Variants in ABCC4 observed in about 807,000 individuals in gnomAD.
ABCC4 encodes the protein ATP-binding cassette sub-family C member 4.
A neutral mutation model predicts 168.5 loss-of-function variants in ABCC4; 102 were observed. That is an observed-to-expected ratio of 0.61 (90% CI 0.52 to 0.71). The LOEUF is 0.71. ABCC4 is among the 30% of genes least tolerant of loss of function. The pLI, the probability that ABCC4 is intolerant of heterozygous loss-of-function variation, is 0.00. For missense variants in ABCC4, 1,402 were observed against 1,605.8 expected, an observed-to-expected ratio of 0.87 and a Z score of 2.17; for synonymous variants, 617 against 590.7, an observed-to-expected ratio of 1.04 and a Z score of -0.65.
In ABCC4 at chr13:95,061,594, T is replaced by TTGTGTGTG. The variant is rs57517042; in HGVS notation, c.3366+1102_3366+1109dup. Among the ~76,000 whole-genome samples, 241 of 133,928 alleles carry TTGTGTGTG rather than the reference T, an allele frequency of 1.8e-3. 1 individual carries two copies. The highest frequency in any genetic ancestry group is 2.6e-3 in the Non-Finnish European group (167 of 64,016). 87.9% of individuals were successfully genotyped at this position (133,928 alleles called of 152,430 possible). ...TGTTTCTCTTCTCCAGAATATGTGT[T>TTGTGTGTG]TGTGTGTGTGTGTGTGTGTGTGTGT... On this transcript the variant is annotated intron_variant, in intron 26 of 30. Transcript: ENST00000645237.
chr13:95,237,346 A>C (rs368924977), intron 3 of ABCC4, among the ~76,000 whole-genome samples: 149 of 152,316 alleles, frequency 9.8e-4, no homozygotes, highest in Non-Finnish European at 1.5e-3. Flanking sequence ...GAAAATACTC[A>C]TTATCAAAAT....
At chr13:95,134,067 G>A (rs1198528453) in intron 19 of ABCC4, among the ~76,000 whole-genome samples, 1 of 152,054 alleles carries the variant, frequency 6.6e-6, no homozygotes, top group Non-Finnish European at 1.5e-5. Context: ...ATTTCAAGAG[G>A]AGCCCATCAG....
At chr13:95,195,631 T>C (rs2038392746) in intron 8 of ABCC4, among the ~76,000 whole-genome samples, 1 of 152,264 alleles carries the variant, frequency 6.6e-6, no homozygotes, top group East Asian at 1.9e-4. Flanking sequence ...TCACCTATTA[T>C]TATTGTTATT....
intron 3 of ABCC4, 71 bp downstream of exon 3, chr13:95,246,904 C>A: frequency 1.8e-5 from 27 of 1,534,384 alleles, no homozygotes; most frequent in Non-Finnish European, 2.4e-5. Context: ...TCCATTACAG[C>A]ACCAGTCAAT....
chr13:95,115,867 AAAAATAGG>A, intron 20 of ABCC4, 47 bp downstream of exon 20: 1 of 1,511,894 alleles, frequency 6.6e-7, no homozygotes, highest in South Asian at 1.2e-5. Flanking sequence ...AAGGGCTTGA[AAAAATAGG>A]AACTTCCGTT....
intron 1 of ABCC4, among the ~76,000 whole-genome samples, chr13:95,285,812 T>G (rs1226639129): frequency 1.3e-5 from 2 of 152,102 alleles, no homozygotes; most frequent in African/African-American, 4.8e-5. Context: ...GAGTATTAAA[T>G]GCCAAAGAAG....
At chr13:95,161,841 T>C (rs951108194) in intron 18 of ABCC4, 1 of 152,196 alleles carries the variant, frequency 6.6e-6, no homozygotes. Context: ...GGAAAACCTC[T>C]TGAATAATTG....
At chr13:95,111,735 CAA>C (rs1422311800) in intron 20 of ABCC4, among the ~76,000 whole-genome samples, 1 of 152,168 alleles carries the variant, frequency 6.6e-6, no homozygotes. Context: ...GTCCAAAAAT[CAA>C]AGTTAGGTTA....
At chr13:95,061,594 T>TG (rs2033296201) in intron 26 of ABCC4, among the ~76,000 whole-genome samples, 2 of 133,942 alleles carry the variant, frequency 1.5e-5, no homozygotes, top group South Asian at 2.5e-4. Context: ...GAATATGTGT[T>TG]TGTGTGTGTG....
At chr13:95,213,794 A>G (rs1207868914) in intron 4 of ABCC4, among the ~76,000 whole-genome samples, 21 of 152,188 alleles carry the variant, frequency 1.4e-4, no homozygotes, top group Admixed American at 1.3e-3. Flanking sequence ...AAAGGGGCCA[A>G]TCTGCCAGGA....
At chr13:95,028,739 T>A (rs894340495) in intron 30 of ABCC4, among the ~76,000 whole-genome samples, 1 of 152,086 alleles carries the variant, frequency 6.6e-6, no homozygotes, top group Non-Finnish European at 1.5e-5. Context: ...GAAAACAGAA[T>A]ATAAACTAGT....
intron 19 of ABCC4, among the ~76,000 whole-genome samples, chr13:95,120,727 G>A (rs2035541564): frequency 6.6e-6 from 1 of 152,148 alleles, no homozygotes; most frequent in South Asian, 2.1e-4. Context: ...ATCTTGAGAT[G>A]TGAGAAGTAG....
intron 13 of ABCC4, among the ~76,000 whole-genome samples, chr13:95,175,999 G>A (rs2139589773): frequency 6.6e-6 from 1 of 152,108 alleles, no homozygotes; most frequent in East Asian, 1.9e-4. Context: ...CTTCCCGTCT[G>A]CACACCTCTG....
intron 20 of ABCC4, among the ~76,000 whole-genome samples, chr13:95,107,078 G>A (rs1184948056): frequency 6.6e-6 from 1 of 152,034 alleles, no homozygotes; most frequent in Non-Finnish European, 1.5e-5. Flanking sequence ...CCAACATGGT[G>A]AAACCCCATC....
intron 13 of ABCC4, among the ~76,000 whole-genome samples, chr13:95,172,202 A>G (rs1042276147): frequency 6.6e-6 from 1 of 152,244 alleles, no homozygotes; most frequent in African/African-American, 2.4e-5. Flanking sequence ...TATTAAGAGT[A>G]AAAATCTTCC....
rs757377659 is a variant in ABCC4 at position 95,234,647 on chromosome 13, C to G, written c.494G>C (p.Arg165Thr). 6.2e-7 allele frequency: 1 copy of G among 1,613,956 alleles called. No individual in the cohort carries two copies. The highest frequency in any genetic ancestry group is 1.7e-5 in the Admixed American group (1 of 59,984). The change falls in exon 4 of 31, where the codon AGG (arginine) becomes ACG (threonine). Residue 165 changes from arginine to threonine, a missense_variant. Transcript: ENST00000645237. ...YFYHVQCAGM[R>T]LRVAMCHMIY... ...CATATGGCACATGGCTACTCGTAAC[C>G]TCATCCCAGCACACTGAACGTGATA...
intron 11 of ABCC4, among the ~76,000 whole-genome samples, chr13:95,178,561 C>G (rs148147576): frequency 6.6e-6 from 1 of 152,270 alleles, no homozygotes; most frequent in African/African-American, 2.4e-5. Context: ...TGAGCAGAGA[C>G]CTGTCAGGGG....
chr13:95,132,045 C>T (rs549946365), intron 19 of ABCC4, among the ~76,000 whole-genome samples: 59 of 152,270 alleles, frequency 3.9e-4, no homozygotes, highest in African/African-American at 1.3e-3. Context: ...AGGGCAGAAG[C>T]AACCCAAGAC....
intron 19 of ABCC4, among the ~76,000 whole-genome samples, chr13:95,159,494 A>T (rs1276316932): frequency 6.6e-6 from 1 of 152,154 alleles, no homozygotes; most frequent in African/African-American, 2.4e-5. Flanking sequence ...AAATCCCTGA[A>T]TAATAAATAA....
Sources: gnomAD v4.1 joint callset for allele counts (sites outside exome capture counted in the v4.1 genomes callset) on GRCh38, gnomAD v4.1.1 for gene constraint, MANE v1.5 for transcripts, NCBI Gene and HGNC (gene_info 2026-07-23, HGNC 2026-07-21) for gene names.